NIPBL: variants seen among roughly 807,000 people sequenced by gnomAD.
NIPBL encodes the protein NIPBL cohesin loading factor.
Under a neutral mutation model 321.8 loss-of-function variants are expected in NIPBL, and 19 were observed. The ratio of observed to expected loss-of-function variants is 0.06; its 90% CI spans 0.04 to 0.09. The LOEUF (loss-of-function observed/expected upper bound fraction) is 0.09, where lower values mean the gene tolerates loss of function less well. NIPBL is among the 10% of genes least tolerant of loss of function. The probability of loss-of-function intolerance (pLI) is 1.00; values close to 1 mark genes in which losing one functional copy is unlikely to be tolerated. For synonymous variants in NIPBL, 1,106 were observed against 1,114.1 expected, an observed-to-expected ratio of 0.99 and a Z score of 0.14; for missense variants, 2,210 against 3,327.0, an observed-to-expected ratio of 0.66 and a Z score of 8.26.
intron 9 of NIPBL, among the ~76,000 whole-genome samples, chr5:36,981,379 G>T (rs1333191636): frequency 6.6e-6 from 1 of 151,630 alleles, no homozygotes; most frequent in Non-Finnish European, 1.5e-5. Context: ...GGCTGTGGTA[G>T]ACCCTATTGT....
At chr5:37,046,001 T>C in intron 37 of NIPBL, 108 bp from the exon 38 acceptor site, 1 of 671,278 alleles carries the variant, frequency 1.5e-6, no homozygotes, top group South Asian at 1.7e-5. Context: ...ATTTTTTTAA[T>C]AAAGTTCACA....
chr5:36,940,237 G>C (rs964682705), intron 1 of NIPBL, among the ~76,000 whole-genome samples: 3 of 152,158 alleles, frequency 2.0e-5, no homozygotes, highest in Middle Eastern at 3.2e-3. Flanking sequence ...TGTGAAAAGA[G>C]AGAAATGGAT....
chr5:36,971,850 C>T, intron 7 of NIPBL, 95 bp from the exon 8 acceptor site: 1 of 1,519,890 alleles, frequency 6.6e-7, no homozygotes, highest in Non-Finnish European at 8.9e-7. Flanking sequence ...AACACTTTAC[C>T]TGTCAGTAAT....
chr5:36,930,443 T>C (rs2149571133), intron 1 of NIPBL, among the ~76,000 whole-genome samples: 1 of 152,180 alleles, frequency 6.6e-6, no homozygotes. Context: ...TTCTAGTTGT[T>C]CGTTGGTGGT....
intron 14 of NIPBL, 28 bp downstream of exon 14, chr5:37,001,106 C>T: frequency 1.4e-6 from 2 of 1,420,630 alleles, no homozygotes; most frequent in South Asian, 2.3e-5. Flanking sequence ...TACATTTACA[C>T]ATACTCTAAG....
intron 1 of NIPBL, among the ~76,000 whole-genome samples, chr5:36,912,731 C>T (rs958460348): frequency 1.2e-4 from 19 of 152,034 alleles, no homozygotes; most frequent in Non-Finnish European, 2.4e-4. Context: ...AACTCCTGAC[C>T]TCAGGTGATC....
At chr5:37,041,511 C>T (rs562268361) in intron 34 of NIPBL, among the ~76,000 whole-genome samples, 8 of 151,066 alleles carry the variant, frequency 5.3e-5, no homozygotes, top group East Asian at 3.9e-4. Context: ...TGATCTGCCC[C>T]GCCTTGGCCT....
intron 1 of NIPBL, among the ~76,000 whole-genome samples, chr5:36,950,802 T>C (rs1051743701): frequency 2.6e-5 from 4 of 152,064 alleles, no homozygotes; most frequent in African/African-American, 9.7e-5. Context: ...ATGTCATAGC[T>C]AGTTAGTTAG....
In NIPBL at chr5:37,010,078, TC is replaced by T; in HGVS notation, c.4422-8del. Reference sequence around the variant, plus strand: ...GATACTCCATACAAATTTTTTTTCTTCATTAAAGGTTAAACAGTAGTGATAT... The same window carrying T: ...GATACTCCATACAAATTTTTTTTCTTATTAAAGGTTAAACAGTAGTGATAT... On this transcript the variant is annotated splice_region_variant and splice_polypyrimidine_tract_variant and intron_variant, in intron 20 of 46. Transcript: ENST00000282516. 1 of 1,606,258 alleles carries T rather than the reference TC, an allele frequency of 6.2e-7. No homozygotes were observed. Among genetic ancestry groups the T allele is most frequent in the Non-Finnish European group, 8.5e-7 (1 of 1,173,378 alleles).
At chr5:36,966,693 T>A (rs1230823686) in intron 6 of NIPBL, among the ~76,000 whole-genome samples, 4 of 152,134 alleles carry the variant, frequency 2.6e-5, no homozygotes, top group Non-Finnish European at 5.9e-5. Flanking sequence ...GATGATTTTT[T>A]AAAATTTTAT....
intron 4 of NIPBL, among the ~76,000 whole-genome samples, chr5:36,959,983 G>A (rs1741426028): frequency 6.6e-6 from 1 of 151,782 alleles, no homozygotes; most frequent in Non-Finnish European, 1.5e-5. Context: ...CTGTAATCCT[G>A]GCACTTGGGA....
At chr5:36,972,761 TATC>T (rs1189619135) in intron 8 of NIPBL, among the ~76,000 whole-genome samples, 1 of 152,198 alleles carries the variant, frequency 6.6e-6, no homozygotes, top group African/African-American at 2.4e-5. Context: ...AATTTTAAGT[TATC>T]ATAAAGCCTC....
At position 36,962,032 on chromosome 5, in the gene NIPBL, G is replaced by C. The variant is rs1741683926; in HGVS notation, c.459-91G>C. The C allele has an allele frequency of 2.2e-6, 3 of 1,387,470 alleles. No individual in the cohort carries two copies. In the African/African-American group the frequency reaches 4.3e-5, roughly 20 times the overall value. The allele number at this position is 1,387,470 out of a possible 1,614,324, so 85.9% of individuals were successfully genotyped here. ...CATAGATTTTACATATATAAACTAAGAGATCAGAGGACTTTGTGACAGTCA... is the reference window on the plus strand; with the variant it reads ...CATAGATTTTACATATATAAACTAACAGATCAGAGGACTTTGTGACAGTCA... On this transcript the variant is annotated intron_variant, in intron 5 of 46. Coordinates refer to ENST00000282516, the MANE Select transcript of NIPBL (RefSeq NM_133433.4).
chr5:36,888,916 A>G (rs559414356), intron 1 of NIPBL, among the ~76,000 whole-genome samples: 29 of 152,264 alleles, frequency 1.9e-4, no homozygotes, highest in Admixed American at 1.7e-3. Flanking sequence ...AATATGTGCT[A>G]TATTTTGCTC....
intron 21 of NIPBL, among the ~76,000 whole-genome samples, chr5:37,011,273 T>C (rs1167381490): frequency 2.0e-5 from 3 of 152,218 alleles, no homozygotes; most frequent in Non-Finnish European, 4.4e-5. Flanking sequence ...TATTAATAAC[T>C]GGACAGGCAC....
chr5:36,901,752 A>AC (rs1238047395), intron 1 of NIPBL, among the ~76,000 whole-genome samples: 4 of 150,570 alleles, frequency 2.7e-5, no homozygotes, highest in South Asian at 2.1e-4. Context: ...CAAGTGATCC[A>AC]CCCCCCTCTG....
intron 24 of NIPBL, 119 bp from the exon 25 acceptor site, chr5:37,019,192 C>G: frequency 4.2e-6 from 3 of 714,334 alleles, no homozygotes; most frequent in Non-Finnish European, 7.5e-6. Context: ...CTTTTAGTTA[C>G]TGTGGTTGTA....
At chr5:37,042,893 A>ACACG (rs1554031430) in intron 34 of NIPBL, among the ~76,000 whole-genome samples, 2 of 147,674 alleles carry the variant, frequency 1.4e-5, no homozygotes, top group Admixed American at 6.7e-5. Flanking sequence ...TACTACACAC[A>ACACG]CGCGCGCACA....
At chr5:36,900,730 C>G (rs1435303740) in intron 1 of NIPBL, among the ~76,000 whole-genome samples, 1 of 151,968 alleles carries the variant, frequency 6.6e-6, no homozygotes, top group East Asian at 1.9e-4. Flanking sequence ...GAGGCTGATT[C>G]ATTAGCTTTA....
Sources: allele counts gnomAD v4.1 joint callset (sites outside exome capture counted in the v4.1 genomes callset), GRCh38; gene constraint gnomAD v4.1.1; transcripts MANE v1.5; gene names NCBI Gene and HGNC (gene_info 2026-07-23, HGNC 2026-07-21).